SLC35F4: variants seen among roughly 807,000 people sequenced by gnomAD.
SLC35F4 encodes chromosome 14 open reading frame 36.
Under a neutral mutation model 44.2 loss-of-function variants are expected in SLC35F4, and 24 were observed. The ratio of observed to expected loss-of-function variants is 0.54; its 90% confidence interval spans 0.39 to 0.76. The LOEUF (loss-of-function observed/expected upper bound fraction) is 0.76, where lower values mean the gene tolerates loss of function less well. Ranked by LOEUF, SLC35F4 falls within the 30% of genes least tolerant of loss-of-function variation. SLC35F4 has a pLI of 0.00. For synonymous variants in SLC35F4, 238 were observed against 223.6 expected, an observed-to-expected ratio of 1.06 and a Z score of -0.57; for missense variants, 562 against 586.1, an observed-to-expected ratio of 0.96 and a Z score of 0.42.
In SLC35F4 at chr14:57,655,859, TG is replaced by T. The variant is rs2073948434; in HGVS notation, c.104-61736del. ...CTAATAAAGTGCCAAAATTTACAAATGACCATTTTCCTAGGTTAGCATGGTT... is the reference window on the plus strand; with the variant it reads ...CTAATAAAGTGCCAAAATTTACAAATACCATTTTCCTAGGTTAGCATGGTT... On this transcript the variant is annotated intron_variant, in intron 1 of 7. Transcript: ENST00000556826. Among the ~76,000 whole-genome samples the T allele has an allele frequency of 1.3e-5, 2 of 152,182 alleles. 1 individual carries two copies. Among genetic ancestry groups the T allele is most frequent in the South Asian group, 4.1e-4 (2 of 4,822 alleles).
intron 1 of SLC35F4, among the ~76,000 whole-genome samples, chr14:57,723,113 G>C (rs983120931): frequency 5.3e-5 from 8 of 152,094 alleles, no homozygotes; most frequent in Non-Finnish European, 1.2e-4. Context: ...ACATCATTGT[G>C]GTCCTCCAGT....
At chr14:57,688,313 G>A (rs2075127750) in intron 1 of SLC35F4, among the ~76,000 whole-genome samples, 1 of 152,134 alleles carries the variant, frequency 6.6e-6, no homozygotes, top group African/African-American at 2.4e-5. Flanking sequence ...TCCTTTGCAA[G>A]TAAAATTTGG....
At chr14:57,608,546 T>C (rs2071297605) in intron 1 of SLC35F4, among the ~76,000 whole-genome samples, 1 of 152,178 alleles carries the variant, frequency 6.6e-6, no homozygotes, top group Admixed American at 6.5e-5. Context: ...ACCCTGTGGA[T>C]ACCTTGACCT....
intron 1 of SLC35F4, among the ~76,000 whole-genome samples, chr14:57,894,860 G>A (rs570309864): frequency 6.6e-6 from 1 of 152,180 alleles, no homozygotes; most frequent in South Asian, 2.1e-4. Flanking sequence ...AGAGTTTCAG[G>A]GATAGACAAA....
In SLC35F4 at chr14:57,750,068, GTC is replaced by G. The variant is rs1274191005; in HGVS notation, c.103+115653_103+115654del. Among the ~76,000 whole-genome samples the G allele has an allele frequency of 3.9e-5, 6 of 151,924 alleles. No individual in the cohort carries two copies. The East Asian group carries it at 5.8e-4, about 15-fold the overall frequency. ...CATCTCCTCACCCTGAGTCTCCAGTGTCTGTTATCCCACTCTCTATGGCCATA... is the reference window on the plus strand; with the variant it reads ...CATCTCCTCACCCTGAGTCTCCAGTGTGTTATCCCACTCTCTATGGCCATA... On this transcript the variant is annotated intron_variant, in intron 1 of 7. Coordinates refer to ENST00000556826, the MANE Select transcript of SLC35F4 (RefSeq NM_001306087.2).
intron 1 of SLC35F4, among the ~76,000 whole-genome samples, chr14:57,607,256 G>A (rs1175635790): frequency 3.3e-5 from 5 of 152,172 alleles, no homozygotes; most frequent in South Asian, 2.1e-4. Flanking sequence ...ATGGGCAGAC[G>A]AGCATGCCAG....
chr14:57,812,849 C>T (rs867580723), intron 1 of SLC35F4, among the ~76,000 whole-genome samples: 23 of 152,234 alleles, frequency 1.5e-4, no homozygotes, highest in African/African-American at 5.5e-4. Flanking sequence ...TGCAACTGCT[C>T]GATCATAGAG....
At chr14:57,761,826 A>C (rs1366233781) in intron 1 of SLC35F4, among the ~76,000 whole-genome samples, 2 of 152,296 alleles carry the variant, frequency 1.3e-5, no homozygotes, top group East Asian at 3.9e-4. Flanking sequence ...TGACCCTGGC[A>C]AGAGGGAATA....
chr14:57,933,938 G>A (rs1889748828), intron 1 of SLC35F4, among the ~76,000 whole-genome samples: 1 of 152,098 alleles, frequency 6.6e-6, no homozygotes, highest in Non-Finnish European at 1.5e-5. Flanking sequence ...GGAAAGCTTT[G>A]TTTAAAGAAG....
chr14:57,936,410 C>T (rs1284655334), intron 1 of SLC35F4, among the ~76,000 whole-genome samples: 1 of 151,268 alleles, frequency 6.6e-6, no homozygotes, highest in African/African-American at 2.5e-5. Flanking sequence ...GAAAATAACT[C>T]CCCTCAAAAC....
At chr14:57,882,841 TAATACTGCAGC>T (rs1457375321) in intron 1 of SLC35F4, among the ~76,000 whole-genome samples, 1 of 152,204 alleles carries the variant, frequency 6.6e-6, no homozygotes, top group Non-Finnish European at 1.5e-5. Flanking sequence ...CTTTCCCATG[TAATACTGCAGC>T]TCAACCCATG....
At chr14:57,629,701 A>G (rs2072669669) in intron 1 of SLC35F4, 5 of 183,660 alleles carry the variant, frequency 2.7e-5, no homozygotes, top group Admixed American at 1.2e-4. Context: ...TTCAAGATCA[A>G]TACACATAGA....
intron 1 of SLC35F4, among the ~76,000 whole-genome samples, chr14:57,620,692 G>A (rs1008533135): frequency 5.7e-4 from 87 of 152,208 alleles, no homozygotes; most frequent in East Asian, 1.4e-3. Flanking sequence ...TTTGAGATAC[G>A]TCCCATCAAT....
intron 1 of SLC35F4, among the ~76,000 whole-genome samples, chr14:57,850,226 A>C (rs558919803): frequency 1.3e-5 from 2 of 152,344 alleles, no homozygotes; most frequent in Admixed American, 1.3e-4. Context: ...TTGGGGAGAA[A>C]AGTAGGTTGT....
At chr14:57,751,691 A>G (rs901536715) in intron 1 of SLC35F4, among the ~76,000 whole-genome samples, 11 of 152,204 alleles carry the variant, frequency 7.2e-5, no homozygotes, top group African/African-American at 1.4e-4. Context: ...AAGCTAAACT[A>G]CATTACAAGG....
In SLC35F4 at chr14:57,581,377, C is replaced by A. The variant is rs1312100990; in HGVS notation, c.644G>T (p.Arg215Ile). ...DGLTLKLFLK[R>I]TAPFSILWTL... ...CCATAGAATAGAAAAGGGAGCAGTT[C>A]TTTTAAGAAAGAGTTTCAGCGTCAG... The change falls in exon 4 of 8, where the codon AGA (arginine) becomes ATA (isoleucine). Residue 215 changes from arginine (R) to isoleucine (I), a missense_variant. Arg to Ile is a moderately conservative substitution (Grantham distance 97). Transcript: ENST00000556826. The A allele has an allele frequency of 2.5e-6, 4 of 1,613,236 alleles. No individual in the cohort carries two copies. The Admixed American group carries it at 6.7e-5, about 27-fold the overall frequency.
chr14:57,788,241 A>C (rs1305503684), intron 1 of SLC35F4, among the ~76,000 whole-genome samples: 1 of 152,204 alleles, frequency 6.6e-6, no homozygotes, highest in Admixed American at 6.5e-5. Flanking sequence ...ATGTGCACCT[A>C]ACACTGGAGC....
chr14:57,923,254 A>C (rs1418042718), intron 1 of SLC35F4, among the ~76,000 whole-genome samples: 1 of 152,232 alleles, frequency 6.6e-6, no homozygotes, highest in Non-Finnish European at 1.5e-5. Context: ...GATTCATATG[A>C]AATTACCAAT....
upstream of SLC35F4, among the ~76,000 whole-genome samples, chr14:57,870,843 C>T (rs143342158): frequency 6.6e-6 from 1 of 152,346 alleles, no homozygotes; most frequent in African/African-American, 2.4e-5. Context: ...TACAGGTCTC[C>T]TTTAATTCTT....
Sources: allele counts gnomAD v4.1 joint callset (sites outside exome capture counted in the v4.1 genomes callset), GRCh38; gene constraint gnomAD v4.1.1; transcripts MANE v1.5; gene names NCBI Gene and HGNC (gene_info 2026-07-23, HGNC 2026-07-21).